CENPN: variants seen among roughly 807,000 people sequenced by gnomAD.
CENPN encodes the protein centromere protein N.
In CENPN, 36 loss-of-function variants were observed where a neutral mutation model predicts 48.6. The ratio of observed to expected loss-of-function variants is 0.74; its 90% confidence interval spans 0.57 to 0.98. CENPN has a LOEUF of 0.98. Among genes scored for constraint, CENPN ranks in the 50% least tolerant of loss-of-function variants. The pLI, the probability that CENPN is intolerant of heterozygous loss-of-function variation, is 0.00. For missense variants in CENPN, 439 were observed against 399.2 expected (o/e 1.10, Z -0.85); for synonymous variants, 166 against 135.2 (o/e 1.23, Z -1.58).
intron 8 of CENPN, among the ~76,000 whole-genome samples, chr16:81,025,545 T>TA (rs1299898256): frequency 6.6e-6 from 1 of 152,120 alleles, no homozygotes; most frequent in East Asian, 1.9e-4. Context: ...GTGTGTATCT[T>TA]ACGATTCCAG....
intron 10 of CENPN, 116 bp downstream of exon 10, chr16:81,028,413 C>A: frequency 6.7e-7 from 1 of 1,482,778 alleles, no homozygotes; most frequent in Non-Finnish European, 9.2e-7. Flanking sequence ...CTAGCCCATC[C>A]TGCTCTCTCT....
chr16:81,013,987 G>A (rs189698239), intron 2 of CENPN, 149 bp from the exon 3 acceptor site: 55 of 531,494 alleles, frequency 1.0e-4, no homozygotes, highest in Non-Finnish European at 1.6e-4. Flanking sequence ...ATGTCCATTG[G>A]TTAACAGGAG....
intron 9 of CENPN, 25 bp from the exon 10 acceptor site, chr16:81,028,146 G>T (rs762945531): frequency 9.2e-5 from 140 of 1,526,730 alleles, no homozygotes; most frequent in Non-Finnish European, 1.2e-4. Flanking sequence ...ATGTTTAATA[G>T]TCATTTATAA....
At chr16:81,032,826 C>T, downstream of CENPN, 22 of 1,028,824 alleles carry the variant, frequency 2.1e-5, no homozygotes, top group Non-Finnish European at 3.1e-5. Context: ...CAAATTTGAC[C>T]AATCTTGGAA....
intron 3 of CENPN, among the ~76,000 whole-genome samples, chr16:81,015,704 C>G (rs764413129): frequency 3.3e-5 from 5 of 152,120 alleles, no homozygotes; most frequent in Non-Finnish European, 5.9e-5. Context: ...TACATTGATT[C>G]AAAAATTCAT....
At chr16:81,013,576 C>T (rs1045011531) in intron 2 of CENPN, among the ~76,000 whole-genome samples, 4 of 152,146 alleles carry the variant, frequency 2.6e-5, no homozygotes, top group African/African-American at 9.7e-5. Context: ...CAAAAATCAG[C>T]TAGGCATGGT....
At position 81,027,836 on chromosome 16, in the gene CENPN, C is replaced by G. The variant is rs138181371; in HGVS notation, c.811-335C>G. Among the ~76,000 whole-genome samples, 1,054 of 152,302 alleles carry G rather than the reference C, an allele frequency of 6.9e-3. 3 individuals carry two copies. Among genetic ancestry groups the G allele is most frequent in the Non-Finnish European group, 0.011 (773 of 68,024 alleles). ...TCTCATGCCTTGGCCTCCTGGGTAG[C>G]TGGAATTACAGGTGCCCACCACCAT... On this transcript the variant is annotated intron_variant, in intron 9 of 10. Coordinates refer to ENST00000305850, the MANE Select transcript of CENPN (RefSeq NM_001100624.3).
chr16:81,029,612 A>T lies in CENPN; in HGVS notation c.*961A>T, dbSNP rs147211540. On this transcript the variant is annotated 3_prime_UTR_variant, in exon 11 of 11. Transcript: ENST00000305850. ...TGTTTTTTGAGACAAGTCTCCTTCT[A>T]TCGCCCAGGCTGGAGTGCAATGGCA... Among the ~76,000 whole-genome samples, 1 of 151,492 alleles carries T rather than the reference A, an allele frequency of 6.6e-6. No individual in the cohort carries two copies. The highest frequency in any genetic ancestry group is 1.5e-5 in the Non-Finnish European group (1 of 67,876).
intron 6 of CENPN, among the ~76,000 whole-genome samples, chr16:81,020,721 C>A (rs1970149365): frequency 6.6e-6 from 1 of 151,988 alleles, no homozygotes; most frequent in Non-Finnish European, 1.5e-5. Context: ...AGCTTCATAC[C>A]CCTTTTCCCT....
In CENPN at chr16:81,017,652, C is replaced by T. The variant is rs534997750; in HGVS notation, c.278-106C>T. The T allele has an allele frequency of 8.1e-5, 66 of 819,058 alleles. No homozygotes were observed. In the South Asian group the frequency reaches 9.7e-4, roughly 12 times the overall value. 50.7% of individuals were successfully genotyped at this position (819,058 alleles called of 1,614,324 possible). A position where few individuals can be genotyped will look rare whatever the true frequency, so the allele number is the denominator to read the frequency against. On this transcript the variant is annotated intron_variant, in intron 4 of 10. Coordinates refer to ENST00000305850, the MANE Select transcript of CENPN (RefSeq NM_001100624.3). ...CATTTGTGTGATTTGATCATTATTA[C>T]TCTGGAATTATACAAAATGCTTAGT...
downstream of CENPN, chr16:81,032,483 C>T (rs1970812703): frequency 7.3e-7 from 1 of 1,372,152 alleles, no homozygotes; most frequent in Non-Finnish European, 9.9e-7. Context: ...CTCCCCTCCC[C>T]ACCAGGCACG....
chr16:81,026,185 GTA>G (rs909980907), intron 8 of CENPN, among the ~76,000 whole-genome samples: 3 of 141,344 alleles, frequency 2.1e-5, no homozygotes, highest in Non-Finnish European at 3.0e-5. Flanking sequence ...ATATGTGTGT[GTA>G]TATATATGTA....
At chr16:81,021,704 C>T (rs1417765968) in intron 6 of CENPN, among the ~76,000 whole-genome samples, 2 of 152,128 alleles carry the variant, frequency 1.3e-5, no homozygotes, top group East Asian at 3.9e-4. Context: ...CACTTATAGC[C>T]AGGTGAGTAC....
In CENPN at chr16:81,030,476, T is replaced by G. The variant is rs942822693; in HGVS notation, c.*1825T>G. The G allele has an allele frequency of 1.8e-5, 16 of 873,028 alleles. No homozygotes were observed. The highest frequency in any genetic ancestry group is 2.2e-5 in the Non-Finnish European group (16 of 727,742). The allele number at this position is 873,028 out of a possible 1,614,324, so 54.1% of individuals were successfully genotyped here. On this transcript the variant is annotated 3_prime_UTR_variant, in exon 11 of 11. Transcript: ENST00000305850. ...AAATGACTTCACTCTGGGCCGGGTG[T>G]AGTGGCTCACGCCTGTAATCCTAGC...
At chr16:81,023,157 A>G (rs1970294100) in intron 7 of CENPN, 1 of 338,438 alleles carries the variant, frequency 3.0e-6, no homozygotes, top group Non-Finnish European at 5.6e-6. Flanking sequence ...TTTGAATGTA[A>G]TGTTCCCCTC....
chr16:81,020,828 G>A (rs1486844345), intron 6 of CENPN, among the ~76,000 whole-genome samples: 1 of 152,166 alleles, frequency 6.6e-6, no homozygotes, highest in Non-Finnish European at 1.5e-5. Flanking sequence ...CGGTGCTCAT[G>A]TCTGTAATCC....
chr16:81,030,096 A>G lies in CENPN; in HGVS notation c.*1445A>G. ...ACTTATTCACTACCATGAGAATAGT[A>G]TGGGGGAAATCGTTCCCATGACTCA... On this transcript the variant is annotated 3_prime_UTR_variant, in exon 11 of 11. Transcript: ENST00000305850. The G allele has an allele frequency of 1.9e-6, 1 of 522,374 alleles. No individual in the cohort carries two copies. The highest frequency in any genetic ancestry group is 2.5e-6 in the Non-Finnish European group (1 of 407,136). The allele number at this position is 522,374 out of a possible 1,614,324, so 32.4% of individuals were successfully genotyped here. A position where few individuals can be genotyped will look rare whatever the true frequency, so the allele number is the denominator to read the frequency against.
chr16:81,008,630 C>G (rs757249216), intron 1 of CENPN, among the ~76,000 whole-genome samples: 5 of 152,172 alleles, frequency 3.3e-5, no homozygotes, highest in Admixed American at 6.5e-5. Context: ...GCCCGGCGCG[C>G]TCCCGGCCCC....
intron 1 of CENPN, among the ~76,000 whole-genome samples, chr16:81,008,037 G>A (rs1018288248): frequency 5.9e-5 from 9 of 152,086 alleles, no homozygotes; most frequent in African/African-American, 1.9e-4. Flanking sequence ...AACCCGGGAG[G>A]CGGAGGTTGC....
Sources: gnomAD v4.1 joint callset for allele counts (sites outside exome capture counted in the v4.1 genomes callset) on GRCh38, gnomAD v4.1.1 for gene constraint, MANE v1.5 for transcripts, NCBI Gene and HGNC (gene_info 2026-07-23, HGNC 2026-07-21) for gene names.